PTPRD: variants seen among roughly 807,000 people sequenced by gnomAD.
PTPRD encodes protein tyrosine phosphatase receptor type D, also known as receptor-type tyrosine-protein phosphatase delta.
A neutral mutation model predicts 214.5 loss-of-function variants in PTPRD; 34 were observed. That is an observed-to-expected ratio of 0.16 (90% CI 0.12 to 0.21). The LOEUF (loss-of-function observed/expected upper bound fraction) is 0.21, where lower values mean the gene tolerates loss of function less well. Ranked by LOEUF, PTPRD falls within the 10% of genes least tolerant of loss-of-function variation. The pLI, the probability that PTPRD is intolerant of heterozygous loss-of-function variation, is 1.00. For missense variants in PTPRD, 2,545 were observed against 2,398.7 expected, an observed-to-expected ratio of 1.06 and a Z score of -1.27; for synonymous variants, 1,128 against 845.7, an observed-to-expected ratio of 1.33 and a Z score of -5.79.
At chr9:10,240,076 C>T (rs1354447968) in intron 3 of PTPRD, among the ~76,000 whole-genome samples, 1 of 151,928 alleles carries the variant, frequency 6.6e-6, no homozygotes, top group African/African-American at 2.4e-5. Flanking sequence ...ACAGGCCTTG[C>T]TGAGTTGTCC....
At chr9:9,084,142 G>A (rs2099763377) in intron 10 of PTPRD, among the ~76,000 whole-genome samples, 1 of 152,058 alleles carries the variant, frequency 6.6e-6, no homozygotes, top group Admixed American at 6.6e-5. Context: ...GCAAAGACTT[G>A]GAACCAACCC....
chr9:9,916,058 G>A (rs549768092), intron 5 of PTPRD, among the ~76,000 whole-genome samples: 12 of 148,698 alleles, frequency 8.1e-5, no homozygotes, highest in East Asian at 3.9e-4. Context: ...AGAATGAGGC[G>A]ATATATCCAA....
chr9:8,956,641 C>T (rs1256539613), intron 11 of PTPRD, among the ~76,000 whole-genome samples: 1 of 151,762 alleles, frequency 6.6e-6, no homozygotes, highest in African/African-American at 2.4e-5. Flanking sequence ...AGCTATGTAA[C>T]ATGCTTCACA....
At chr9:8,565,942 A>T (rs1382756354) in intron 14 of PTPRD, among the ~76,000 whole-genome samples, 3 of 152,224 alleles carry the variant, frequency 2.0e-5, no homozygotes, top group Non-Finnish European at 4.4e-5. Context: ...AAATTTTATG[A>T]GATTTCAGGT....
At chr9:8,531,950 C>T (rs10758979) in intron 14 of PTPRD, among the ~76,000 whole-genome samples, 22,096 of 152,050 alleles carry the variant, frequency 0.15, 1,938 homozygotes, top group East Asian at 0.27. Flanking sequence ...TGACCTTTCT[C>T]TTCCTTCCTG....
At chr9:10,133,039 C>T (rs73641857) in intron 3 of PTPRD, among the ~76,000 whole-genome samples, 6,850 of 152,220 alleles carry the variant, frequency 0.045, 533 homozygotes, top group African/African-American at 0.16. Flanking sequence ...ACTTCCATGG[C>T]ATGAGAACAC....
intron 19 of PTPRD, among the ~76,000 whole-genome samples, chr9:8,522,617 A>G (rs7048949): frequency 0.075 from 11,444 of 152,270 alleles, 1,125 homozygotes; most frequent in African/African-American, 0.23. Flanking sequence ...TTAAAGCAAC[A>G]TAACACAGAA....
chr9:9,395,133 A>C (rs555838410), intron 9 of PTPRD, among the ~76,000 whole-genome samples: 1 of 151,676 alleles, frequency 6.6e-6, no homozygotes, highest in East Asian at 2.0e-4. Context: ...CCCCTCATCC[A>C]TAGAGAGAAG....
chr9:9,824,254 T>A (rs2051870420), intron 5 of PTPRD, among the ~76,000 whole-genome samples: 2 of 151,984 alleles, frequency 1.3e-5, no homozygotes. Context: ...TCAACCTGCA[T>A]CTTTATTTAT....
chr9:9,160,715 G>A (rs1316376191), intron 10 of PTPRD, among the ~76,000 whole-genome samples: 3 of 152,156 alleles, frequency 2.0e-5, no homozygotes, highest in Non-Finnish European at 4.4e-5. Flanking sequence ...ATATGTTAAA[G>A]GGATATCTGC....
intron 9 of PTPRD, among the ~76,000 whole-genome samples, chr9:9,234,555 C>G (rs984488573): frequency 1.3e-5 from 2 of 152,168 alleles, no homozygotes; most frequent in Non-Finnish European, 2.9e-5. Context: ...TATGACATCA[C>G]CCGGCTGCAA....
intron 8 of PTPRD, among the ~76,000 whole-genome samples, chr9:9,464,160 T>C (rs1181119065): frequency 1.3e-5 from 2 of 152,168 alleles, no homozygotes; most frequent in South Asian, 4.1e-4. Context: ...ACACTCATTG[T>C]CTAGATGATT....
At chr9:8,333,854 CA>C (rs60751885) in intron 43 of PTPRD, among the ~76,000 whole-genome samples, 8 of 147,728 alleles carry the variant, frequency 5.4e-5, no homozygotes, top group East Asian at 4.0e-4. Flanking sequence ...AAATGGAAGG[CA>C]AAAAAAAAGA....
At chr9:9,672,650 C>T (rs1003814520) in intron 7 of PTPRD, among the ~76,000 whole-genome samples, 1 of 152,068 alleles carries the variant, frequency 6.6e-6, no homozygotes, top group Admixed American at 6.6e-5. Context: ...TGAGCTCTAT[C>T]TACTGATCCA....
At chr9:9,069,010 A>G (rs550625929) in intron 10 of PTPRD, among the ~76,000 whole-genome samples, 22 of 152,216 alleles carry the variant, frequency 1.4e-4, no homozygotes, top group Non-Finnish European at 5.9e-5. Flanking sequence ...GTAAGATTTC[A>G]TATATACAAA....
At chr9:9,413,078 G>A (rs1394878762) in intron 8 of PTPRD, among the ~76,000 whole-genome samples, 9 of 131,980 alleles carry the variant, frequency 6.8e-5, no homozygotes, top group African/African-American at 1.1e-4. Context: ...GGGCAAACAA[G>A]TTATAAAATA....
intron 2 of PTPRD, among the ~76,000 whole-genome samples, chr9:10,535,871 G>T (rs2057661873): frequency 6.6e-6 from 1 of 151,996 alleles, no homozygotes; most frequent in Non-Finnish European, 1.5e-5. Context: ...ACCTCTTTAT[G>T]GCCTCTATTG....
At chr9:8,528,914 A>AAT (rs1209512883) in intron 14 of PTPRD, 135 bp from the exon 15 acceptor site, 2 of 781,640 alleles carry the variant, frequency 2.6e-6, no homozygotes, top group Non-Finnish European at 4.1e-6. Context: ...CTAATAAATT[A>AAT]GAACACAGTC....
At chr9:9,200,195 G>GA (rs1301901994) in intron 9 of PTPRD, among the ~76,000 whole-genome samples, 1 of 152,216 alleles carries the variant, frequency 6.6e-6, no homozygotes, top group Non-Finnish European at 1.5e-5. Flanking sequence ...ACAAAACCAT[G>GA]AAGAGGAGTT....
Sources: allele counts gnomAD v4.1 joint callset (sites outside exome capture counted in the v4.1 genomes callset), GRCh38; gene constraint gnomAD v4.1.1; transcripts MANE v1.5; gene names NCBI Gene and HGNC (gene_info 2026-07-23, HGNC 2026-07-21).